The following RAI14 variants were observed in gnomAD, a reference collection of about 807,000 sequenced individuals.
RAI14 encodes the protein ankycorbin.
Under a neutral mutation model 115.4 loss-of-function variants are expected in RAI14, and 45 were observed. That is an observed-to-expected ratio of 0.39 (90% CI 0.31 to 0.50). RAI14 has a LOEUF of 0.50. Ranked by LOEUF, RAI14 falls within the 20% of genes least tolerant of loss-of-function variation. The probability of loss-of-function intolerance (pLI) is 0.85; values close to 1 mark genes in which losing one functional copy is unlikely to be tolerated. For synonymous variants in RAI14, 371 were observed against 415.4 expected, an observed-to-expected ratio of 0.89 and a Z score of 1.30; for missense variants, 939 against 1,131.2, an observed-to-expected ratio of 0.83 and a Z score of 2.44.
At chr5:34,739,514 A>C (rs1406720081) in intron 2 of RAI14, among the ~76,000 whole-genome samples, 2 of 152,224 alleles carry the variant, frequency 1.3e-5, no homozygotes, top group Admixed American at 6.5e-5. Context: ...TGTCAAGATG[A>C]AACTGTCAAG....
chr5:34,760,210 A>C (rs1157480019), intron 3 of RAI14, among the ~76,000 whole-genome samples: 2 of 152,008 alleles, frequency 1.3e-5, no homozygotes, highest in African/African-American at 2.4e-5. Context: ...CACCACACCC[A>C]GCTAATTTTT....
At chr5:34,674,586 GTT>G (rs370599165) in intron 1 of RAI14, among the ~76,000 whole-genome samples, 9 of 132,496 alleles carry the variant, frequency 6.8e-5, no homozygotes, top group East Asian at 2.2e-4. Flanking sequence ...CGGATCTTTT[GTT>G]TTTTTTTTTT....
chr5:34,762,830 G>A (rs1242658633), intron 3 of RAI14, among the ~76,000 whole-genome samples: 4 of 152,072 alleles, frequency 2.6e-5, no homozygotes, highest in Non-Finnish European at 5.9e-5. Context: ...ATGTGTGTTT[G>A]TCTTACGAAC....
At chr5:34,684,792 A>G (rs1744675383) in intron 1 of RAI14, 1 of 152,190 alleles carries the variant, frequency 6.6e-6, no homozygotes, top group Admixed American at 6.5e-5. Context: ...TTTGTTTAGA[A>G]TAATTAGGAT....
Position 34,751,267 on chromosome 5 carries a change from C to T in RAI14, c.37-6201C>T, listed in dbSNP as rs1226692981. ...AAGCGATTCTCCTGCCTCAGCCTCC[C>T]GAGAAGCTGGGATTATAGGTGCCCG... On this transcript the variant is annotated intron_variant, in intron 2 of 17. Transcript: ENST00000265109. Among the ~76,000 whole-genome samples, 6 of 151,592 alleles carry T rather than the reference C, an allele frequency of 4.0e-5. No homozygotes were observed. In the South Asian group the frequency reaches 6.3e-4, roughly 16 times the overall value.
intron 2 of RAI14, chr5:34,687,757 C>G (rs1421777304): frequency 1.3e-6 from 2 of 1,544,678 alleles, no homozygotes; most frequent in Admixed American, 2.0e-5. Flanking sequence ...GTTCAGCTAT[C>G]ATTTCAGGCG....
At chr5:34,674,586 GTTT>G (rs370599165) in intron 1 of RAI14, among the ~76,000 whole-genome samples, 2 of 132,526 alleles carry the variant, frequency 1.5e-5, no homozygotes, top group Non-Finnish European at 1.6e-5. Flanking sequence ...CGGATCTTTT[GTTT>G]TTTTTTTTTT....
intron 2 of RAI14, among the ~76,000 whole-genome samples, chr5:34,716,469 G>A (rs1742012157): frequency 6.6e-6 from 1 of 151,896 alleles, no homozygotes; most frequent in African/African-American, 2.4e-5. Flanking sequence ...CTGGAGTGCA[G>A]TGGTGCAATC....
At chr5:34,724,946 G>A (rs1474454658) in intron 2 of RAI14, among the ~76,000 whole-genome samples, 1 of 152,096 alleles carries the variant, frequency 6.6e-6, no homozygotes, top group African/African-American at 2.4e-5. Context: ...GAGAGGTGGG[G>A]TCTCCTAGGT....
intron 2 of RAI14, among the ~76,000 whole-genome samples, chr5:34,711,436 G>A (rs1741388303): frequency 1.3e-5 from 2 of 152,206 alleles, no homozygotes; most frequent in African/African-American, 4.8e-5. Context: ...TGATCAGTGA[G>A]GGTGGGGCAG....
chr5:34,752,434 C>T (rs1322755513), intron 2 of RAI14, among the ~76,000 whole-genome samples: 3 of 151,910 alleles, frequency 2.0e-5, no homozygotes, highest in South Asian at 2.1e-4. Context: ...CGTAAGCTCT[C>T]GAACAAAAAC....
chr5:34,738,146 C>A (rs927248770), intron 2 of RAI14, among the ~76,000 whole-genome samples: 1 of 151,968 alleles, frequency 6.6e-6, no homozygotes, highest in Non-Finnish European at 1.5e-5. Flanking sequence ...TAGTCCAGGC[C>A]GACCACAGTG....
At chr5:34,782,312 G>T (rs964489054) in intron 3 of RAI14, among the ~76,000 whole-genome samples, 2 of 152,172 alleles carry the variant, frequency 1.3e-5, no homozygotes, top group Non-Finnish European at 2.9e-5. Context: ...AAAAGCAAAG[G>T]CAGCATTATC....
chr5:34,779,647 G>A (rs1348885329), intron 3 of RAI14, among the ~76,000 whole-genome samples: 1 of 152,100 alleles, frequency 6.6e-6, no homozygotes, highest in Non-Finnish European at 1.5e-5. Context: ...AAATACCTAG[G>A]AATCCAACTT....
At chr5:34,785,260 T>C (rs1752158434) in intron 3 of RAI14, among the ~76,000 whole-genome samples, 1 of 152,116 alleles carries the variant, frequency 6.6e-6, no homozygotes, top group Non-Finnish European at 1.5e-5. Context: ...TCAAAAATGA[T>C]ATCCTAAACC....
At chr5:34,701,080 T>C (rs982262965) in intron 2 of RAI14, among the ~76,000 whole-genome samples, 9 of 152,282 alleles carry the variant, frequency 5.9e-5, no homozygotes, top group Non-Finnish European at 1.0e-4. Context: ...AAGGACACTA[T>C]TGAGGACGAA....
At chr5:34,680,250 A>T (rs1300358386) in intron 1 of RAI14, among the ~76,000 whole-genome samples, 1 of 152,222 alleles carries the variant, frequency 6.6e-6, no homozygotes, top group Non-Finnish European at 1.5e-5. Context: ...GCTATAACAG[A>T]GTACCAGAGA....
chr5:34,797,029 A>G (rs1412265878), intron 4 of RAI14, among the ~76,000 whole-genome samples: 2 of 152,188 alleles, frequency 1.3e-5, no homozygotes, highest in African/African-American at 2.4e-5. Flanking sequence ...CTTACCTTGT[A>G]TAAAACACTG....
At chr5:34,739,092 C>T (rs970016808) in intron 2 of RAI14, among the ~76,000 whole-genome samples, 13 of 152,118 alleles carry the variant, frequency 8.5e-5, no homozygotes, top group African/African-American at 2.2e-4. Context: ...GAAAAAGAAG[C>T]GCTATTCAAA....
Sources: allele counts gnomAD v4.1 joint callset (sites outside exome capture counted in the v4.1 genomes callset), GRCh38; gene constraint gnomAD v4.1.1; transcripts MANE v1.5; gene names NCBI Gene and HGNC (gene_info 2026-07-23, HGNC 2026-07-21).